KCNB2: variants seen among roughly 807,000 people sequenced by gnomAD.
The protein encoded by KCNB2 is delayed rectifier potassium channel protein.
A neutral mutation model predicts 61.5 loss-of-function variants in KCNB2; 15 were observed. The ratio of observed to expected loss-of-function variants is 0.24; its 90% CI spans 0.16 to 0.38. The LOEUF (loss-of-function observed/expected upper bound fraction) is 0.38, where lower values mean the gene tolerates loss of function less well. Ranked by LOEUF, KCNB2 falls within the 10% of genes least tolerant of loss-of-function variation. KCNB2 has a pLI of 1.00. For missense variants in KCNB2, 828 were observed against 1,125.2 expected (o/e 0.74, Z 3.78); for synonymous variants, 457 against 446.0 (o/e 1.02, Z -0.31).
At chr8:72,834,889 C>T (rs1386667060) in intron 2 of KCNB2, among the ~76,000 whole-genome samples, 1 of 152,164 alleles carries the variant, frequency 6.6e-6, no homozygotes, top group Non-Finnish European at 1.5e-5. Flanking sequence ...GTTTTTGTCA[C>T]TCTGTGTGGA....
chr8:72,803,864 G>A (rs963696773), intron 2 of KCNB2, among the ~76,000 whole-genome samples: 2 of 152,204 alleles, frequency 1.3e-5, no homozygotes, highest in Non-Finnish European at 2.9e-5. Flanking sequence ...CAGGAAGGAA[G>A]AGGTGAGTAG....
chr8:72,669,816 A>AC (rs1249825378), intron 2 of KCNB2, among the ~76,000 whole-genome samples: 1 of 152,160 alleles, frequency 6.6e-6, no homozygotes, highest in African/African-American at 2.4e-5. Context: ...ACCTAGGACT[A>AC]CCCCATGCCA....
chr8:72,607,112 C>T lies in KCNB2; in HGVS notation c.579+38799C>T, dbSNP rs74390675. On this transcript the variant is annotated intron_variant, in intron 2 of 2. Transcript: ENST00000523207. Reference sequence around the variant, plus strand: ...CTGGGTACCTGCCTCAAAAATGGGCCGATGTCTCCTGGGTTCCGTTTTGAG... The same window carrying T: ...CTGGGTACCTGCCTCAAAAATGGGCTGATGTCTCCTGGGTTCCGTTTTGAG... Among the ~76,000 whole-genome samples, 24 of 152,146 alleles carry T rather than the reference C, an allele frequency of 1.6e-4. No individual in the cohort carries two copies. The East Asian group carries it at 4.4e-3, about 28-fold the overall frequency.
At chr8:72,631,123 G>A (rs1805872531) in intron 2 of KCNB2, among the ~76,000 whole-genome samples, 1 of 152,194 alleles carries the variant, frequency 6.6e-6, no homozygotes, top group Non-Finnish European at 1.5e-5. Context: ...TAAAAGTTAT[G>A]TGAATATGGA....
rs1333062002 is a variant in KCNB2 at position 72,912,663 on chromosome 8, T to C, written c.580-23272T>C. Among the ~76,000 whole-genome samples the C allele has an allele frequency of 2.6e-5, 4 of 152,058 alleles. No individual in the cohort carries two copies. The East Asian group carries it at 7.7e-4, about 29-fold the overall frequency. ...TATCATGTAGTACTAGGATTATCAG[T>C]ATCCTCCTTTTATATATGAAGAAAC... On this transcript the variant is annotated intron_variant, in intron 2 of 2. Transcript: ENST00000523207.
At chr8:72,770,125 A>C (rs1465744351) in intron 2 of KCNB2, among the ~76,000 whole-genome samples, 1 of 152,248 alleles carries the variant, frequency 6.6e-6, no homozygotes. Flanking sequence ...GGAGCACCAT[A>C]GCTCCAGAAA....
At chr8:72,675,638 C>T (rs1231950866) in intron 2 of KCNB2, among the ~76,000 whole-genome samples, 1 of 151,960 alleles carries the variant, frequency 6.6e-6, no homozygotes, top group African/African-American at 2.4e-5. Context: ...ACTGCAACCT[C>T]CACCTCCTGG....
At chr8:72,610,620 T>G (rs1487253923) in intron 2 of KCNB2, among the ~76,000 whole-genome samples, 2 of 152,162 alleles carry the variant, frequency 1.3e-5, no homozygotes, top group Non-Finnish European at 2.9e-5. Flanking sequence ...CCTAAATACT[T>G]AAAAAATTTA....
intron 2 of KCNB2, among the ~76,000 whole-genome samples, chr8:72,652,581 C>G (rs1320598414): frequency 6.6e-6 from 1 of 152,142 alleles, no homozygotes; most frequent in Non-Finnish European, 1.5e-5. Flanking sequence ...ATAAATCTCA[C>G]TAAGATCTGC....
intron 2 of KCNB2, among the ~76,000 whole-genome samples, chr8:72,932,211 G>A (rs1806799677): frequency 6.6e-6 from 1 of 152,128 alleles, no homozygotes; most frequent in East Asian, 1.9e-4. Context: ...GAGAAGGCCT[G>A]GAAATTATCC....
At chr8:72,831,663 G>A (rs1809699566) in intron 2 of KCNB2, among the ~76,000 whole-genome samples, 1 of 152,190 alleles carries the variant, frequency 6.6e-6, no homozygotes, top group African/African-American at 2.4e-5. Flanking sequence ...TTGCAAATAT[G>A]TTCATGTCAA....
chr8:72,869,833 C>T (rs917913860), intron 2 of KCNB2, among the ~76,000 whole-genome samples: 1 of 152,170 alleles, frequency 6.6e-6, no homozygotes, highest in Non-Finnish European at 1.5e-5. Flanking sequence ...GGCAACCCCA[C>T]TTCTGAGTTG....
chr8:72,842,742 C>T (rs1171746650), intron 2 of KCNB2, among the ~76,000 whole-genome samples: 1 of 152,198 alleles, frequency 6.6e-6, no homozygotes. Flanking sequence ...ATAGTATTCT[C>T]TCATGGTAGT....
intron 2 of KCNB2, among the ~76,000 whole-genome samples, chr8:72,933,147 T>C (rs1327819662): frequency 1.3e-5 from 2 of 152,228 alleles, no homozygotes; most frequent in African/African-American, 2.4e-5. Context: ...TCTTCAAGAA[T>C]GTGTCCTAAA....
chr8:72,776,874 C>T (rs1808663007), intron 2 of KCNB2, among the ~76,000 whole-genome samples: 1 of 152,132 alleles, frequency 6.6e-6, no homozygotes, highest in South Asian at 2.1e-4. Flanking sequence ...CCTAAGCTCT[C>T]CACCTTTGAT....
chr8:72,544,600 A>G (rs1806233546), intron 1 of KCNB2, among the ~76,000 whole-genome samples: 1 of 152,204 alleles, frequency 6.6e-6, no homozygotes, highest in African/African-American at 2.4e-5. Context: ...AACACTTGCA[A>G]TCTAAGGGTC....
rs145742487 is a variant in KCNB2 at position 72,914,466 on chromosome 8, A to T, written c.580-21469A>T. Among the ~76,000 whole-genome samples, 45 of 151,910 alleles carry T rather than the reference A, an allele frequency of 3.0e-4. 1 individual carries two copies. The highest frequency in any genetic ancestry group is 1.0e-3 in the African/African-American group (42 of 41,424). ...TAGCCATGCTTACTTATGATTGAAA[A>T]CTCTTAATGGCTTTAGAAGAAATAG... On this transcript the variant is annotated intron_variant, in intron 2 of 2. Transcript: ENST00000523207.
intron 2 of KCNB2, among the ~76,000 whole-genome samples, chr8:72,767,987 A>G (rs971168566): frequency 6.6e-5 from 10 of 152,118 alleles, no homozygotes; most frequent in African/African-American, 2.4e-4. Context: ...ACATCGTTTC[A>G]TGTGTTTATT....
At chr8:72,710,889 T>G (rs1367053985) in intron 2 of KCNB2, among the ~76,000 whole-genome samples, 3 of 152,228 alleles carry the variant, frequency 2.0e-5, no homozygotes, top group Non-Finnish European at 4.4e-5. Flanking sequence ...TTTAAGTGGA[T>G]GGAGAAGTCA....
Sources: allele counts gnomAD v4.1 joint callset (sites outside exome capture counted in the v4.1 genomes callset), GRCh38; gene constraint gnomAD v4.1.1; transcripts MANE v1.5; gene names NCBI Gene and HGNC (gene_info 2026-07-23, HGNC 2026-07-21).